The following ATF7IP2 variants were observed in gnomAD, a reference collection of about 807,000 sequenced individuals.
ATF7IP2 encodes the protein activating transcription factor 7-interacting protein 2.
Under a neutral mutation model 64.2 loss-of-function variants are expected in ATF7IP2, and 42 were observed. That is an observed-to-expected ratio of 0.65 (90% confidence interval 0.51 to 0.85). The LOEUF (loss-of-function observed/expected upper bound fraction) is 0.85. Among genes scored for constraint, ATF7IP2 ranks in the 40% least tolerant of loss-of-function variants. ATF7IP2 has a pLI of 0.00. For synonymous variants in ATF7IP2, 308 were observed against 272.8 expected, an observed-to-expected ratio of 1.13 and a Z score of -1.27; for missense variants, 933 against 784.2, an observed-to-expected ratio of 1.19 and a Z score of -2.27.
intron 1 of ATF7IP2, among the ~76,000 whole-genome samples, chr16:10,399,842 G>A (rs574320206): frequency 1.3e-5 from 2 of 152,176 alleles, no homozygotes; most frequent in African/African-American, 4.8e-5. Context: ...TTCCATTTGT[G>A]TCAGCTACAA....
intron 1 of ATF7IP2, among the ~76,000 whole-genome samples, chr16:10,405,289 G>A (rs553678790): frequency 6.6e-6 from 1 of 151,968 alleles, no homozygotes; most frequent in Non-Finnish European, 1.5e-5. Context: ...AGAATTGCTT[G>A]AACCCAGGAG....
intron 8 of ATF7IP2, among the ~76,000 whole-genome samples, 178 bp downstream of exon 8, chr16:10,440,640 T>C (rs1396126389): frequency 6.6e-6 from 1 of 152,224 alleles, no homozygotes; most frequent in African/African-American, 2.4e-5. Flanking sequence ...TACATGCCAC[T>C]TGTATTTCTG....
chr16:10,426,119 A>G (rs2048081580), intron 3 of ATF7IP2, among the ~76,000 whole-genome samples: 1 of 152,252 alleles, frequency 6.6e-6, no homozygotes, highest in Admixed American at 6.5e-5. Context: ...GACTTAAATT[A>G]TAAATGACTT....
chr16:10,469,946 AAAG>A (rs2049728994), intron 9 of ATF7IP2, among the ~76,000 whole-genome samples: 1 of 152,156 alleles, frequency 6.6e-6, no homozygotes, highest in Admixed American at 6.5e-5. Flanking sequence ...ATATGTTTCC[AAAG>A]TGTAGGGGAA....
chr16:10,420,415 T>C (rs1366053781), intron 3 of ATF7IP2, among the ~76,000 whole-genome samples: 1 of 152,220 alleles, frequency 6.6e-6, no homozygotes, highest in African/African-American at 2.4e-5. Flanking sequence ...TAACTCCTCC[T>C]ATAAAAGATG....
intron 5 of ATF7IP2, among the ~76,000 whole-genome samples, chr16:10,432,614 A>G (rs889236264): frequency 2.6e-5 from 4 of 152,280 alleles, no homozygotes; most frequent in African/African-American, 9.6e-5. Context: ...AACGAATACA[A>G]TCCCAGCACT....
chr16:10,435,019 C>T (rs1313406703), intron 6 of ATF7IP2, among the ~76,000 whole-genome samples: 3 of 152,184 alleles, frequency 2.0e-5, no homozygotes, highest in Non-Finnish European at 4.4e-5. Context: ...CCGCCCGCCT[C>T]GGCCTCCCAA....
intron 8 of ATF7IP2, among the ~76,000 whole-genome samples, chr16:10,444,898 C>T (rs1056096199): frequency 1.1e-4 from 17 of 152,214 alleles, no homozygotes; most frequent in African/African-American, 3.9e-4. Context: ...TTAGCAGTTG[C>T]ATTTGAAAAG....
In ATF7IP2 at chr16:10,433,663, G is replaced by T; in HGVS notation, c.960+14G>T. 1 of 1,611,010 alleles carries T rather than the reference G, an allele frequency of 6.2e-7. No individual in the cohort carries two copies. Among genetic ancestry groups the T allele is most frequent in the South Asian group, 1.1e-5 (1 of 90,772 alleles). ...TTCCTGGAACAGGTAAAATATTGGG[G>T]CTTAAATGGAACTTTTACTTTTGAT... On this transcript the variant is annotated intron_variant, in intron 6 of 13. Coordinates refer to ENST00000562102, the MANE Select transcript of ATF7IP2 (RefSeq NM_001393719.1).
chr16:10,457,128 G>T (rs1464115498), intron 8 of ATF7IP2, among the ~76,000 whole-genome samples: 1 of 152,042 alleles, frequency 6.6e-6, no homozygotes, highest in African/African-American at 2.4e-5. Context: ...CTGAACATTT[G>T]TTTTTCCTTC....
intron 1 of ATF7IP2, among the ~76,000 whole-genome samples, chr16:10,400,879 G>T (rs372178492): frequency 2.0e-5 from 3 of 151,804 alleles, no homozygotes; most frequent in Non-Finnish European, 4.4e-5. Context: ...ACAGGGTTTC[G>T]CCATGTTGTG....
At chr16:10,434,051 C>A (rs1008172966) in intron 6 of ATF7IP2, among the ~76,000 whole-genome samples, 1 of 151,550 alleles carries the variant, frequency 6.6e-6, no homozygotes, top group African/African-American at 2.4e-5. Flanking sequence ...GATCTCACCA[C>A]AACCCAGAAG....
chr16:10,432,111 A>G (rs1445445906), intron 5 of ATF7IP2, among the ~76,000 whole-genome samples: 1 of 150,416 alleles, frequency 6.6e-6, no homozygotes, highest in East Asian at 2.0e-4. Context: ...TGCTGGGATT[A>G]CAGGCGTGAG....
At chr16:10,397,440 C>G (rs542990586) in intron 1 of ATF7IP2, among the ~76,000 whole-genome samples, 17 of 152,252 alleles carry the variant, frequency 1.1e-4, no homozygotes, top group Non-Finnish European at 2.2e-4. Context: ...GTCATTTTAG[C>G]AGTATTAATT....
chr16:10,456,650 A>G (rs1195544178), intron 8 of ATF7IP2, among the ~76,000 whole-genome samples: 3 of 152,142 alleles, frequency 2.0e-5, no homozygotes, highest in Non-Finnish European at 4.4e-5. Context: ...GAAATTCAGG[A>G]AAAGTTGGCC....
chr16:10,467,706 C>T, intron 9 of ATF7IP2, among the ~76,000 whole-genome samples: 1 of 150,514 alleles, frequency 6.6e-6, no homozygotes, highest in Non-Finnish European at 1.5e-5. Flanking sequence ...AGAGCTCCCA[C>T]CACACCTGGT....
intron 4 of ATF7IP2, among the ~76,000 whole-genome samples, chr16:10,429,977 C>T (rs952844709): frequency 6.6e-6 from 1 of 151,656 alleles, no homozygotes; most frequent in Non-Finnish European, 1.5e-5. Context: ...TTCAGCCTGC[C>T]GAGTAGCTTG....
chr16:10,478,870 C>T (rs1166948850), intron 12 of ATF7IP2, among the ~76,000 whole-genome samples: 6 of 152,202 alleles, frequency 3.9e-5, no homozygotes, highest in Admixed American at 3.9e-4. Context: ...CAAAGGAAGA[C>T]ATTTATGCAG....
At chr16:10,418,818 C>T (rs917174776) in intron 2 of ATF7IP2, among the ~76,000 whole-genome samples, 14 of 152,184 alleles carry the variant, frequency 9.2e-5, no homozygotes, top group African/African-American at 2.4e-4. Context: ...GCTCCTAGAG[C>T]GGGCCATATC....
Sources: gnomAD v4.1 joint callset for allele counts (sites outside exome capture counted in the v4.1 genomes callset) on GRCh38, gnomAD v4.1.1 for gene constraint, MANE v1.5 for transcripts, NCBI Gene and HGNC (gene_info 2026-07-23, HGNC 2026-07-21) for gene names.